LRRN3: variants seen among roughly 807,000 people sequenced by gnomAD.
LRRN3 encodes leucine rich repeat neuronal 3.
A neutral mutation model predicts 40.1 loss-of-function variants in LRRN3; 15 were observed. That is an observed-to-expected ratio of 0.37 (90% CI 0.25 to 0.58). The LOEUF (loss-of-function observed/expected upper bound fraction) is 0.58. Among genes scored for constraint, LRRN3 ranks in the 20% least tolerant of loss-of-function variants. LRRN3 has a pLI of 0.72. For missense variants in LRRN3, 746 were observed against 837.7 expected (o/e 0.89, Z 1.35); for synonymous variants, 308 against 297.2 (o/e 1.04, Z -0.37).
At chr7:111,102,705 G>C (rs1338309573) in intron 2 of LRRN3, among the ~76,000 whole-genome samples, 2 of 151,434 alleles carry the variant, frequency 1.3e-5, no homozygotes, top group African/African-American at 4.8e-5. Context: ...AAAATAAATA[G>C]AATAATCCAG....
Position 111,124,602 on chromosome 7 carries a change from C to A in LRRN3, c.1830C>A (p.Thr610=). ...QKNRKKCVNV[T]TKGLHPDQKE... The stretch of plus-strand genomic sequence containing the variant: ...ACAGAAAAAAATGTGTAAATGTCAC[C>A]ACCAAAGGTTTGCACCCTGATCAAA... Residue 610 remains threonine (T), a synonymous_variant, in exon 3 of 3, where the codon ACC becomes ACA. Coordinates refer to ENST00000308478, the MANE Select transcript of LRRN3 (RefSeq NM_001099658.2). 1 of 1,613,882 alleles carries A rather than the reference C, an allele frequency of 6.2e-7. No individual in the cohort carries two copies. Among genetic ancestry groups the A allele is most frequent in the Non-Finnish European group, 8.5e-7 (1 of 1,179,960 alleles).
At position 111,123,931 on chromosome 7, in the gene LRRN3, C is replaced by T. The variant is rs1167488652; in HGVS notation, c.1159C>T (p.Arg387Ter). The change falls in exon 3 of 3, where the codon CGA becomes TGA. Residue 387 changes from arginine (R) to a stop codon, truncating the protein, a stop_gained. Transcript: ENST00000308478. LOFTEE classifies it high-confidence loss of function. This position sits in a 1 kb window ranked among gnomAD's most constrained non-coding sequence, Gnocchi z 6.4. ...GATGAACATGAACAAAACCAACATTCGATTCATGGAGCCAGATTCACTGTT... is the reference window on the plus strand; with the variant it reads ...GATGAACATGAACAAAACCAACATTTGATTCATGGAGCCAGATTCACTGTT... ...RWMNMNKTNI[R>*]FMEPDSLFCV... is the part of the protein sequence containing the mutation. 1.2e-6 allele frequency: 2 copies of T among 1,613,844 alleles called. No individual in the cohort carries two copies. Among genetic ancestry groups the T allele is most frequent in the African/African-American group, 1.3e-5 (1 of 74,906 alleles).
At chr7:111,113,212 C>T (rs992585057) in intron 2 of LRRN3, among the ~76,000 whole-genome samples, 2 of 152,130 alleles carry the variant, frequency 1.3e-5, no homozygotes, top group African/African-American at 4.8e-5. Context: ...CACAGGCTTC[C>T]TTACCTTCTT....
At chr7:111,095,658 C>A (rs887534692) in intron 1 of LRRN3, among the ~76,000 whole-genome samples, 3 of 151,972 alleles carry the variant, frequency 2.0e-5, no homozygotes, top group Non-Finnish European at 4.4e-5. Flanking sequence ...ATACTGCTAT[C>A]CTTCACCTAC....
At chr7:111,092,837 T>C (rs1442535792) in intron 1 of LRRN3, among the ~76,000 whole-genome samples, 1 of 152,220 alleles carries the variant, frequency 6.6e-6, no homozygotes, top group Non-Finnish European at 1.5e-5. Flanking sequence ...AAACCTAGCA[T>C]TTGTATTTCA....
At chr7:111,095,789 C>T (rs2129578717) in intron 1 of LRRN3, among the ~76,000 whole-genome samples, 1 of 152,030 alleles carries the variant, frequency 6.6e-6, no homozygotes, top group South Asian at 2.1e-4. Context: ...TTAACATGTG[C>T]CCTTTTTTTA....
intron 2 of LRRN3, among the ~76,000 whole-genome samples, chr7:111,120,107 T>G (rs1159539324): frequency 6.6e-6 from 1 of 152,180 alleles, no homozygotes; most frequent in Non-Finnish European, 1.5e-5. Context: ...AGGATCTCCA[T>G]ATATCAAATT....
intron 1 of LRRN3, among the ~76,000 whole-genome samples, chr7:111,098,604 A>T (rs1006263305): frequency 6.6e-5 from 10 of 151,700 alleles, no homozygotes; most frequent in African/African-American, 2.4e-4. Context: ...GGCAGATCTC[A>T]TTTACAACAT....
chr7:111,095,877 C>T (rs1019224756), intron 1 of LRRN3, among the ~76,000 whole-genome samples: 1 of 151,922 alleles, frequency 6.6e-6, no homozygotes, highest in African/African-American at 2.4e-5. Context: ...ATCAGGACAG[C>T]AATCCCTCTC....
intron 1 of LRRN3, among the ~76,000 whole-genome samples, chr7:111,091,745 G>A (rs1480177757): frequency 6.6e-6 from 1 of 151,902 alleles, no homozygotes; most frequent in African/African-American, 2.4e-5. Flanking sequence ...GCCCATTAGA[G>A]GATGTGAGTG....
At chr7:111,102,618 C>T (rs1170210088) in intron 2 of LRRN3, among the ~76,000 whole-genome samples, 2 of 151,456 alleles carry the variant, frequency 1.3e-5, no homozygotes, top group Admixed American at 1.3e-4. Context: ...AGAAAAATTA[C>T]TAAATGGAAG....
At chr7:111,119,045 C>T (rs1036437801) in intron 2 of LRRN3, among the ~76,000 whole-genome samples, 3 of 152,122 alleles carry the variant, frequency 2.0e-5, no homozygotes, top group East Asian at 1.9e-4. Flanking sequence ...TAAGACTCCC[C>T]CAGAAAGAAT....
intron 1 of LRRN3, among the ~76,000 whole-genome samples, chr7:111,093,919 T>C (rs1797132439): frequency 6.6e-6 from 1 of 152,156 alleles, no homozygotes; most frequent in Non-Finnish European, 1.5e-5. Context: ...GTTAGAATGC[T>C]GATGAGTAGG....
chr7:111,118,717 A>G (rs767245968), intron 2 of LRRN3, among the ~76,000 whole-genome samples: 1 of 152,174 alleles, frequency 6.6e-6, no homozygotes, highest in African/African-American at 2.4e-5. Context: ...ACTAAATAGC[A>G]TATTAATGAA....
In LRRN3 at chr7:111,124,211, C is replaced by T. The variant is rs1459514622; in HGVS notation, c.1439C>T (p.Thr480Ile). 1 of 1,613,854 alleles carries T rather than the reference C, an allele frequency of 6.2e-7. No individual in the cohort carries two copies. The highest frequency in any genetic ancestry group is 1.3e-5 in the African/African-American group (1 of 75,018). The stretch of plus-strand genomic sequence containing the variant: ...AAGTTCTATGTCCATTCTGAGGGAA[C>T]ACTAGATATAAATGGCGTAACTCCC... ...TDKFYVHSEG[T>I]LDINGVTPKE... The change falls in exon 3 of 3, where the codon ACA becomes ATA. Residue 480 changes from threonine (T) to isoleucine (I), a missense_variant. By Grantham distance (89) the Thr-to-Ile change is moderately conservative. Coordinates refer to ENST00000308478, the MANE Select transcript of LRRN3 (RefSeq NM_001099658.2).
At chr7:111,109,599 A>G (rs78677865) in intron 2 of LRRN3, among the ~76,000 whole-genome samples, 7,025 of 152,292 alleles carry the variant, frequency 0.046, 229 homozygotes, top group South Asian at 0.082. Flanking sequence ...TTCAGGAGCC[A>G]TCACTGATAA....
chr7:111,093,539 C>A (rs1034590465), intron 1 of LRRN3, among the ~76,000 whole-genome samples: 2 of 152,168 alleles, frequency 1.3e-5, no homozygotes, highest in African/African-American at 4.8e-5. Flanking sequence ...GCCAGACACA[C>A]ATTCTTAAAT....
chr7:111,097,207 T>C (rs922491191), intron 1 of LRRN3: 5 of 151,998 alleles, frequency 3.3e-5, no homozygotes, highest in African/African-American at 9.6e-5. Flanking sequence ...TGAGGAACAA[T>C]GGAAGAGGCA....
chr7:111,092,210 G>T (rs1796946359), intron 1 of LRRN3, among the ~76,000 whole-genome samples: 3 of 152,162 alleles, frequency 2.0e-5, no homozygotes, highest in Admixed American at 1.3e-4. Context: ...ATGTCTGATT[G>T]CTAATGCAGC....
Sources: gnomAD v4.1 joint callset for allele counts (sites outside exome capture counted in the v4.1 genomes callset) on GRCh38, gnomAD v4.1.1 for gene constraint, Gnocchi (gnomAD v3.1) non-coding constraint, MANE v1.5 for transcripts, NCBI Gene and HGNC (gene_info 2026-07-23, HGNC 2026-07-21) for gene names.